TRPS1: variants seen among roughly 807,000 people sequenced by gnomAD.
TRPS1 encodes zinc finger transcription factor Trps1.
Under a neutral mutation model 101.2 loss-of-function variants are expected in TRPS1, and 6 were observed. That is an observed-to-expected ratio of 0.06 (90% CI 0.03 to 0.12). TRPS1 has a LOEUF of 0.12. TRPS1 is among the 10% of genes least tolerant of loss of function. The pLI is 1.00. For missense variants in TRPS1, 1,363 were observed against 1,567.0 expected (o/e 0.87, Z 2.20); for synonymous variants, 578 against 589.8 (o/e 0.98, Z 0.29).
intron 5 of TRPS1, among the ~76,000 whole-genome samples, chr8:115,428,721 G>A (rs1586264402): frequency 6.6e-6 from 1 of 151,988 alleles, no homozygotes; most frequent in South Asian, 2.1e-4. Flanking sequence ...TTAGAAACAC[G>A]GGGAATGGGG....
At chr8:115,531,030 G>A (rs1046349341) in intron 5 of TRPS1, among the ~76,000 whole-genome samples, 2 of 152,026 alleles carry the variant, frequency 1.3e-5, no homozygotes, top group African/African-American at 4.8e-5. Context: ...GTATACATAT[G>A]TAACAAACCT....
At chr8:115,607,317 A>G (rs1374488513) in intron 3 of TRPS1, among the ~76,000 whole-genome samples, 2 of 152,126 alleles carry the variant, frequency 1.3e-5, no homozygotes, top group Non-Finnish European at 2.9e-5. Context: ...GGGACTACGA[A>G]AGAAGGCAAC....
chr8:115,460,557 A>G (rs989129305), intron 5 of TRPS1, among the ~76,000 whole-genome samples: 1 of 152,190 alleles, frequency 6.6e-6, no homozygotes, highest in South Asian at 2.1e-4. Flanking sequence ...AAATAATAAA[A>G]TAATTTTAGG....
intron 5 of TRPS1, among the ~76,000 whole-genome samples, chr8:115,522,316 A>C (rs781701959): frequency 1.3e-5 from 2 of 152,020 alleles, no homozygotes; most frequent in African/African-American, 4.8e-5. Flanking sequence ...ATGACTATAA[A>C]TGATAGATAT....
At chr8:115,603,513 A>G (rs909889348) in intron 4 of TRPS1, among the ~76,000 whole-genome samples, 4 of 152,240 alleles carry the variant, frequency 2.6e-5, no homozygotes, top group African/African-American at 9.6e-5. Context: ...CTCTGTCAAA[A>G]AAATATAGGA....
intron 5 of TRPS1, among the ~76,000 whole-genome samples, chr8:115,502,519 A>G (rs930505671): frequency 1.3e-5 from 2 of 152,226 alleles, no homozygotes; most frequent in African/African-American, 4.8e-5. Flanking sequence ...CCTAAAGGCT[A>G]TCGGCTATGA....
intron 4 of TRPS1, among the ~76,000 whole-genome samples, chr8:115,598,283 GA>G (rs1817833039): frequency 6.6e-6 from 1 of 151,994 alleles, no homozygotes; most frequent in Admixed American, 6.6e-5. Context: ...AGGTGTCTTA[GA>G]ATACCTTAAT....
At chr8:115,630,232 T>C (rs897978529) in intron 1 of TRPS1, among the ~76,000 whole-genome samples, 14 of 152,060 alleles carry the variant, frequency 9.2e-5, no homozygotes, top group African/African-American at 3.4e-4. Context: ...GGAAGAATAG[T>C]GATGTGACAT....
chr8:115,457,501 G>A (rs2129955565), intron 5 of TRPS1, among the ~76,000 whole-genome samples: 1 of 152,252 alleles, frequency 6.6e-6, no homozygotes, highest in Admixed American at 6.5e-5. Context: ...CAGAGTTTCA[G>A]TTTTAGAAGA....
At position 115,517,323 on chromosome 8, in the gene TRPS1, G is replaced by A. The variant is rs140329059; in HGVS notation, c.2700+69678C>T. Among the ~76,000 whole-genome samples the A allele has an allele frequency of 4.4e-3, 669 of 151,554 alleles. 5 individuals carry two copies. The highest frequency in any genetic ancestry group is 0.015 in the African/African-American group (635 of 41,434). Reference sequence around the variant, plus strand: ...TTTTGCATAAATACACACCTTCTCTGGAAGGTACTTAAACTAGACATGCCT... The same window carrying A: ...TTTTGCATAAATACACACCTTCTCTAGAAGGTACTTAAACTAGACATGCCT... On this transcript the variant is annotated intron_variant, in intron 5 of 6. Coordinates refer to ENST00000395715, the MANE Select transcript of TRPS1 (RefSeq NM_014112.5).
intron 5 of TRPS1, among the ~76,000 whole-genome samples, chr8:115,576,220 C>T (rs1384376391): frequency 6.6e-6 from 1 of 151,754 alleles, no homozygotes; most frequent in Non-Finnish European, 1.5e-5. Flanking sequence ...GTGACAGTTG[C>T]TTATAACTTA....
At chr8:115,631,625 T>C (rs995973230) in intron 1 of TRPS1, among the ~76,000 whole-genome samples, 2 of 136,222 alleles carry the variant, frequency 1.5e-5, no homozygotes, top group Non-Finnish European at 3.1e-5. Context: ...CACTCGTTCT[T>C]ATTAGATGCA....
intron 5 of TRPS1, among the ~76,000 whole-genome samples, chr8:115,507,986 G>GA (rs1256386055): frequency 6.6e-6 from 1 of 151,716 alleles, no homozygotes; most frequent in East Asian, 1.9e-4. Context: ...TTTGTTCCTT[G>GA]AAAAAAATGC....
At chr8:115,635,065 T>A (rs151211955) in intron 1 of TRPS1, among the ~76,000 whole-genome samples, 239 of 152,230 alleles carry the variant, frequency 1.6e-3, no homozygotes, top group African/African-American at 5.4e-3. Flanking sequence ...AAAAACCACA[T>A]GAAATACTTT....
Position 115,443,465 on chromosome 8 carries a change from C to T in TRPS1, c.2701-25013G>A, listed in dbSNP as rs532484657. 3.4e-4 allele frequency among the ~76,000 whole-genome samples: 52 copies of T among 152,236 alleles called. No homozygotes were observed. In the South Asian group the frequency reaches 8.7e-3, roughly 25 times the overall value. ...GGCCTTGACATTTGCACAATCTGCT[C>T]GGTTCTCATCAGCATTAATTTTGCT... On this transcript the variant is annotated intron_variant, in intron 5 of 6. Coordinates refer to ENST00000395715, the MANE Select transcript of TRPS1 (RefSeq NM_014112.5).
In TRPS1 at chr8:115,431,465, T is replaced by C. The variant is rs535849851; in HGVS notation, c.2701-13013A>G. Among the ~76,000 whole-genome samples the C allele has an allele frequency of 3.9e-5, 6 of 152,152 alleles. No homozygotes were observed. The South Asian group carries it at 1.2e-3, about 31-fold the overall frequency. ...AATGACACATTTAAAAATATATGAA[T>C]ACATCTCTCCTCTCTTTCTTTCCTA... On this transcript the variant is annotated intron_variant, in intron 5 of 6. Transcript: ENST00000395715.
chr8:115,521,351 G>A (rs1469045242), intron 5 of TRPS1, among the ~76,000 whole-genome samples: 5 of 151,636 alleles, frequency 3.3e-5, no homozygotes, highest in Non-Finnish European at 5.9e-5. Flanking sequence ...GTATTGATTC[G>A]TTTGTGCAAG....
At chr8:115,550,030 A>G (rs1469442135) in intron 5 of TRPS1, among the ~76,000 whole-genome samples, 3 of 152,222 alleles carry the variant, frequency 2.0e-5, no homozygotes, top group African/African-American at 2.4e-5. Flanking sequence ...AGCCTGACCA[A>G]CATGGCGAAA....
intron 5 of TRPS1, among the ~76,000 whole-genome samples, chr8:115,492,793 A>C (rs1471487681): frequency 1.3e-5 from 2 of 152,064 alleles, no homozygotes; most frequent in Non-Finnish European, 2.9e-5. Context: ...GGCTCACTGC[A>C]ACCACCACCT....
Sources: gnomAD v4.1 joint callset for allele counts (sites outside exome capture counted in the v4.1 genomes callset) on GRCh38, gnomAD v4.1.1 for gene constraint, MANE v1.5 for transcripts, NCBI Gene and HGNC (gene_info 2026-07-23, HGNC 2026-07-21) for gene names.